Variants in EPHX1 observed in about 807,000 individuals in gnomAD.
EPHX1 encodes the protein epoxide hydratase.
EPHX1 carries 40 observed loss-of-function variants against 43.2 expected under a neutral mutation model. The ratio of observed to expected loss-of-function variants is 0.93; its 90% CI spans 0.72 to 1.21. The LOEUF is 1.21. Among genes scored for constraint, EPHX1 ranks in the 50% most tolerant of loss-of-function variants. EPHX1 has a pLI of 0.00. For missense variants in EPHX1, 550 were observed against 570.4 expected (o/e 0.96, Z 0.36); for synonymous variants, 221 against 226.7 (o/e 0.98, Z 0.22).
chr1:225,819,967 T>C (rs1181084326), intron 1 of EPHX1, among the ~76,000 whole-genome samples: 3 of 152,196 alleles, frequency 2.0e-5, no homozygotes. Context: ...TCTGATGGCG[T>C]ATTTGCCGCA....
chr1:225,815,939 G>A (rs1404341106), intron 1 of EPHX1, among the ~76,000 whole-genome samples: 1 of 152,202 alleles, frequency 6.6e-6, no homozygotes, highest in Admixed American at 6.5e-5. Flanking sequence ...CGGTAAGTGT[G>A]TTATATGATC....
Position 225,845,292 on chromosome 1 carries a change from C to T in EPHX1, c.1313C>T (p.Pro438Leu), listed in dbSNP as rs771188836. 6.2e-6 allele frequency: 10 copies of T among 1,612,804 alleles called. No individual in the cohort carries two copies. Among genetic ancestry groups the T allele is most frequent in the Non-Finnish European group, 8.5e-6 (10 of 1,180,006 alleles). Residue 438 changes from proline (P) to leucine (L), a missense_variant, in exon 9 of 9, where the codon CCG becomes CTG. Physicochemically the swap from Pro to Leu is moderately conservative, Grantham distance 98. Coordinates refer to ENST00000272167, the MANE Select transcript of EPHX1 (RefSeq NM_001136018.4). The part of the protein sequence containing the change: ...RGGHFAAFEE[P>L]ELLAQDIRKF... ...GGCCACTTTGCGGCCTTTGAGGAGCCGGAGCTGCTCGCCCAGGACATCCGC... is the reference window on the plus strand; with the variant it reads ...GGCCACTTTGCGGCCTTTGAGGAGCTGGAGCTGCTCGCCCAGGACATCCGC...
chr1:225,840,345 T>C (rs1668298158), intron 6 of EPHX1, among the ~76,000 whole-genome samples: 1 of 151,982 alleles, frequency 6.6e-6, no homozygotes, highest in Non-Finnish European at 1.5e-5. Flanking sequence ...GGGGGTGAGG[T>C]AGGAGGAATC....
Position 225,845,504 on chromosome 1 carries a change from A to C in EPHX1, c.*157A>C. On this transcript the variant is annotated 3_prime_UTR_variant, in exon 9 of 9. Transcript: ENST00000272167. ...CCTCACCCCTCCAAGCTCACTCCCC[A>C]ACCCCCAACTCCGTGTGGTAAGCAA... is the stretch of plus-strand genomic sequence containing the variant. The C allele has an allele frequency of 1.4e-6, 1 of 696,376 alleles. No homozygotes were observed. Among genetic ancestry groups the C allele is most frequent in the Non-Finnish European group, 2.4e-6 (1 of 412,228 alleles). 43.1% of individuals were successfully genotyped at this position (696,376 alleles called of 1,614,324 possible).
At chr1:225,831,492 G>A (rs111908269) in intron 2 of EPHX1, among the ~76,000 whole-genome samples, 8 of 151,750 alleles carry the variant, frequency 5.3e-5, no homozygotes, top group African/African-American at 9.7e-5. Context: ...GGTTGCAGTG[G>A]GCCGAGATCA....
chr1:225,831,132 G>A (rs1240853054), intron 2 of EPHX1, among the ~76,000 whole-genome samples: 1 of 148,164 alleles, frequency 6.7e-6, no homozygotes, highest in African/African-American at 2.5e-5. Context: ...GAAGACAGTG[G>A]AGTCACTGCA....
intron 1 of EPHX1, among the ~76,000 whole-genome samples, chr1:225,822,131 A>C (rs973385799): frequency 6.6e-6 from 1 of 152,208 alleles, no homozygotes; most frequent in Non-Finnish European, 1.5e-5. Context: ...TGGAATTAAA[A>C]TGTATGCAAT....
At chr1:225,839,460 G>A in intron 5 of EPHX1, 114 bp downstream of exon 5, 2 of 1,540,570 alleles carry the variant, frequency 1.3e-6, no homozygotes, top group Admixed American at 1.9e-5. Flanking sequence ...GGGAGAGGAG[G>A]GAGTGTGACC....
Position 225,828,864 on chromosome 1 carries a change from C to T in EPHX1, c.135C>T (p.Asp45=), listed in dbSNP as rs375797693. ...GPGTRSAARE[D]DSIRPFKVET... The stretch of plus-strand genomic sequence containing the variant: ...GCACGAGGTCCGCAGCCAGGGAGGA[C>T]GACAGCATCCGCCCTTTCAAGGTGG... Residue 45 remains aspartate (D), a synonymous_variant, in exon 2 of 9, where the codon GAC becomes GAT. Coordinates refer to ENST00000272167, the MANE Select transcript of EPHX1 (RefSeq NM_001136018.4). 35 of 1,604,584 alleles carry T rather than the reference C, an allele frequency of 2.2e-5. No homozygotes were observed. The highest frequency in any genetic ancestry group is 1.8e-4 in the South Asian group (16 of 89,830).
At chr1:225,840,741 C>CT (rs1668327634) in intron 6 of EPHX1, 1 of 154,996 alleles carries the variant, frequency 6.5e-6, no homozygotes, top group Non-Finnish European at 1.4e-5. Context: ...GATGGGACCC[C>CT]TGTAGCATCA....
chr1:225,839,812 CCTCT>C lies in EPHX1; in HGVS notation c.723-12_723-9del. 3 of 1,612,904 alleles carry C rather than the reference CCTCT, an allele frequency of 1.9e-6. No individual in the cohort carries two copies. Among genetic ancestry groups the C allele is most frequent in the Non-Finnish European group, 2.5e-6 (3 of 1,179,644 alleles). ...ACACCAGCCCAGCCTCACCCCGGCC[CCTCT>C]CTCTGCCTTCAGCCACGTGAAAGGC... On this transcript the variant is annotated splice_polypyrimidine_tract_variant and intron_variant, in intron 5 of 8. Coordinates refer to ENST00000272167, the MANE Select transcript of EPHX1 (RefSeq NM_001136018.4).
intron 3 of EPHX1, among the ~76,000 whole-genome samples, chr1:225,836,526 A>C (rs1667975777): frequency 6.6e-6 from 1 of 152,090 alleles, no homozygotes. Context: ...TGAGCCTGGG[A>C]GGTTGAGGCT....
In EPHX1 at chr1:225,844,553, A is replaced by G. The variant is rs775712910; in HGVS notation, c.1096A>G (p.Thr366Ala). 2 of 1,614,016 alleles carry G rather than the reference A, an allele frequency of 1.2e-6. No individual in the cohort carries two copies. Among genetic ancestry groups the G allele is most frequent in the African/African-American group, 1.3e-5 (1 of 74,892 alleles). ...CGTCATGCTCTACTGGACAACAGGC[A>G]CCATCATCTCCTCCCAGCGCTTCTA... ...TNVMLYWTTGTIISSQRFYKE... is the reference protein window; with the variant it reads ...TNVMLYWTTGAIISSQRFYKE... The change falls in exon 8 of 9, where the codon ACC becomes GCC. Residue 366 changes from threonine to alanine, a missense_variant. Coordinates refer to ENST00000272167, the MANE Select transcript of EPHX1 (RefSeq NM_001136018.4).
At chr1:225,820,519 G>A (rs1239687950) in intron 1 of EPHX1, among the ~76,000 whole-genome samples, 2 of 152,132 alleles carry the variant, frequency 1.3e-5, no homozygotes, top group South Asian at 4.1e-4. Flanking sequence ...AAAAGAGATA[G>A]TATAGTAATA....
At chr1:225,820,044 C>T (rs1366944277) in intron 1 of EPHX1, among the ~76,000 whole-genome samples, 2 of 152,160 alleles carry the variant, frequency 1.3e-5, no homozygotes, top group Admixed American at 6.5e-5. Flanking sequence ...GTCTGGGCCA[C>T]CTTTCTTCAC....
In EPHX1 at chr1:225,833,862, T is replaced by C. The variant is rs533175844; in HGVS notation, c.364+1903T>C. 6.5e-3 allele frequency among the ~76,000 whole-genome samples: 853 copies of C among 132,070 alleles called. 2 individuals carry two copies. Among genetic ancestry groups the C allele is most frequent in the Non-Finnish European group, 0.01 (635 of 62,754 alleles). The allele number at this position is 132,070 out of a possible 152,430, so 86.6% of individuals were successfully genotyped here. ...CCTGTAATCCCAGCACTTTGGGAGG[T>C]CAAGGCGGGCAGATCACAAGGTCAG... On this transcript the variant is annotated intron_variant, in intron 3 of 8. Transcript: ENST00000272167.
At chr1:225,818,690 A>G (rs897791034) in intron 1 of EPHX1, among the ~76,000 whole-genome samples, 2 of 152,134 alleles carry the variant, frequency 1.3e-5, no homozygotes, top group Admixed American at 1.3e-4. Context: ...CTGAGGGGCT[A>G]GGGGAGTGGT....
At chr1:225,843,953 G>A (rs1668658448) in intron 7 of EPHX1, among the ~76,000 whole-genome samples, 3 of 152,190 alleles carry the variant, frequency 2.0e-5, no homozygotes, top group African/African-American at 7.2e-5. Context: ...GAGTGAGGAA[G>A]GTAGGGTTGG....
chr1:225,834,719 T>G (rs1217016615), intron 3 of EPHX1, among the ~76,000 whole-genome samples: 1 of 152,142 alleles, frequency 6.6e-6, no homozygotes, highest in Non-Finnish European at 1.5e-5. Flanking sequence ...CCAAGCCACT[T>G]AATCCCAGCC....
Sources: gnomAD v4.1 joint callset for allele counts (sites outside exome capture counted in the v4.1 genomes callset) on GRCh38, gnomAD v4.1.1 for gene constraint, MANE v1.5 for transcripts, NCBI Gene and HGNC (gene_info 2026-07-23, HGNC 2026-07-21) for gene names.